SGCG: variants seen among roughly 807,000 people sequenced by gnomAD.
The protein encoded by SGCG is sarcoglycan gamma, also known as gamma-sarcoglycan.
A neutral mutation model predicts 29.3 loss-of-function variants in SGCG; 26 were observed. The ratio of observed to expected loss-of-function variants is 0.89; its 90% confidence interval spans 0.65 to 1.23. The LOEUF (loss-of-function observed/expected upper bound fraction) is 1.23, where lower values mean the gene tolerates loss of function less well. Ranked by LOEUF, SGCG falls within the 50% of genes most tolerant of loss-of-function variation. The pLI is 0.00. For synonymous variants in SGCG, 145 were observed against 129.7 expected (o/e 1.12, Z -0.80); for missense variants, 353 against 356.0 (o/e 0.99, Z 0.07).
chr13:23,237,783 T>A (rs1879366128), intron 3 of SGCG, among the ~76,000 whole-genome samples: 1 of 135,856 alleles, frequency 7.4e-6, no homozygotes, highest in African/African-American at 2.8e-5. Context: ...AAATTTCATA[T>A]GATGAAATCT....
At position 23,276,118 on chromosome 13, in the gene SGCG, T is replaced by C. The variant is rs532496374; in HGVS notation, c.386-3241T>C. 5.3e-5 allele frequency among the ~76,000 whole-genome samples: 8 copies of C among 152,274 alleles called. No individual in the cohort carries two copies. In the East Asian group the frequency reaches 1.5e-3, roughly 29 times the overall value. Reference sequence around the variant, plus strand: ...TCAACAAGGTAGAATTTAAATTTTATTTCTTAAAGACCTCTACTGCAAAAG... The same window carrying C: ...TCAACAAGGTAGAATTTAAATTTTACTTCTTAAAGACCTCTACTGCAAAAG... On this transcript the variant is annotated intron_variant, in intron 4 of 7. Coordinates refer to ENST00000218867, the MANE Select transcript of SGCG (RefSeq NM_000231.3).
intron 4 of SGCG, among the ~76,000 whole-genome samples, chr13:23,254,242 G>T (rs1483727166): frequency 6.6e-6 from 1 of 152,122 alleles, no homozygotes; most frequent in East Asian, 1.9e-4. Flanking sequence ...TGACCAAAAT[G>T]CTGTTAGAAA....
At chr13:23,200,330 G>T (rs1016506388) in intron 1 of SGCG, among the ~76,000 whole-genome samples, 1 of 145,110 alleles carries the variant, frequency 6.9e-6, no homozygotes, top group African/African-American at 2.5e-5. Context: ...GACCGAGGCA[G>T]GAGACTCACT....
At chr13:23,200,001 T>C (rs1197922345) in intron 1 of SGCG, among the ~76,000 whole-genome samples, 3 of 152,226 alleles carry the variant, frequency 2.0e-5, no homozygotes, top group African/African-American at 4.8e-5. Flanking sequence ...TTCTGAGTCC[T>C]AAACAACTAA....
intron 2 of SGCG, among the ~76,000 whole-genome samples, chr13:23,228,381 T>C (rs1878980612): frequency 6.6e-6 from 1 of 152,214 alleles, no homozygotes; most frequent in Admixed American, 6.5e-5. Flanking sequence ...TTTATTTAAA[T>C]AACAGAATCT....
At chr13:23,204,645 T>C (rs12871203) in intron 2 of SGCG, among the ~76,000 whole-genome samples, 4 of 149,178 alleles carry the variant, frequency 2.7e-5, no homozygotes, top group Non-Finnish European at 5.9e-5. Context: ...CCTTTCTTTC[T>C]CTTCTTTCCC....
chr13:23,177,694 C>T (rs1876603651), upstream of SGCG, among the ~76,000 whole-genome samples: 2 of 150,906 alleles, frequency 1.3e-5, no homozygotes, highest in African/African-American at 4.9e-5. Flanking sequence ...GCCTCAGCCT[C>T]CCAAGTAGCT....
chr13:23,175,629 C>T, the SGCG span, among the ~76,000 whole-genome samples: 2 of 152,034 alleles, frequency 1.3e-5, no homozygotes, highest in African/African-American at 4.8e-5. Flanking sequence ...TTTAGCCTTT[C>T]TTACACCTAA....
chr13:23,233,405 T>C (rs1879183197), intron 2 of SGCG, among the ~76,000 whole-genome samples: 1 of 152,216 alleles, frequency 6.6e-6, no homozygotes, highest in Non-Finnish European at 1.5e-5. Context: ...TTTGACCTTA[T>C]AGCCATATAC....
chr13:23,302,579 T>C (rs933203467), intron 6 of SGCG, among the ~76,000 whole-genome samples: 11 of 152,134 alleles, frequency 7.2e-5, no homozygotes, highest in Non-Finnish European at 1.0e-4. Context: ...TCTGATTTGA[T>C]TATTACATAT....
In SGCG at chr13:23,203,728, G is replaced by A. The variant is rs761027747; in HGVS notation, c.34G>A (p.Gly12Ser). 10 of 1,613,822 alleles carry A rather than the reference G, an allele frequency of 6.2e-6. No individual in the cohort carries two copies. The highest frequency in any genetic ancestry group is 8.5e-6 in the Non-Finnish European group (10 of 1,179,908). Residue 12 changes from glycine (G) to serine (S), a missense_variant, in exon 2 of 8, where the codon GGC becomes AGC. Coordinates refer to ENST00000218867, the MANE Select transcript of SGCG (RefSeq NM_000231.3). Reference sequence around the variant, plus strand: ...TGAGCAGTACACTACAGCCACAGAAGGCATCTGCATAGAGAGGCCAGAGAA... The same window carrying A: ...TGAGCAGTACACTACAGCCACAGAAAGCATCTGCATAGAGAGGCCAGAGAA... ...VREQYTTATE[G>S]ICIERPENQY...
chr13:23,222,636 G>A (rs1878715645), intron 2 of SGCG, among the ~76,000 whole-genome samples: 2 of 151,908 alleles, frequency 1.3e-5, no homozygotes, highest in African/African-American at 4.8e-5. Context: ...GACCACCCTG[G>A]CCAACATGGT....
the SGCG span, among the ~76,000 whole-genome samples, chr13:23,168,465 T>C: frequency 3.9e-5 from 6 of 152,192 alleles, no homozygotes; most frequent in Admixed American, 3.3e-4. Flanking sequence ...TGGCACCTAG[T>C]TGGTGCCTGT....
At chr13:23,263,770 A>G (rs1880536075) in intron 4 of SGCG, among the ~76,000 whole-genome samples, 1 of 152,088 alleles carries the variant, frequency 6.6e-6, no homozygotes, top group Admixed American at 6.5e-5. Flanking sequence ...GGATGGTTCA[A>G]CATATGCGAG....
intron 6 of SGCG, among the ~76,000 whole-genome samples, chr13:23,301,753 T>C (rs1882168104): frequency 1.3e-5 from 2 of 151,878 alleles, no homozygotes; most frequent in Admixed American, 1.3e-4. Flanking sequence ...CAGGCATACA[T>C]AGTGGTGCAC....
intron 1 of SGCG, among the ~76,000 whole-genome samples, chr13:23,185,244 T>C (rs1225301345): frequency 6.6e-6 from 1 of 152,138 alleles, no homozygotes; most frequent in Admixed American, 6.5e-5. Flanking sequence ...CAGGCTGGAG[T>C]GCAATGGTGC....
At chr13:23,274,066 A>G (rs1880968790) in intron 4 of SGCG, among the ~76,000 whole-genome samples, 1 of 152,168 alleles carries the variant, frequency 6.6e-6, no homozygotes, top group Non-Finnish European at 1.5e-5. Context: ...ATTTGTAAAT[A>G]TTATGTCTGT....
chr13:23,178,484 G>A (rs1233110318), upstream of SGCG, among the ~76,000 whole-genome samples: 1 of 152,174 alleles, frequency 6.6e-6, no homozygotes, highest in Non-Finnish European at 1.5e-5. Context: ...GAAAGGCTGA[G>A]CAGTTTTGAG....
At chr13:23,239,028 A>G (rs1343133828) in intron 3 of SGCG, among the ~76,000 whole-genome samples, 1 of 152,172 alleles carries the variant, frequency 6.6e-6, no homozygotes, top group Non-Finnish European at 1.5e-5. Flanking sequence ...AAAGAAGAAG[A>G]AAGAAGAGAG....
Sources: allele counts gnomAD v4.1 joint callset (sites outside exome capture counted in the v4.1 genomes callset), GRCh38; gene constraint gnomAD v4.1.1; transcripts MANE v1.5; gene names NCBI Gene and HGNC (gene_info 2026-07-23, HGNC 2026-07-21).